Variants in FARS2 observed in about 807,000 individuals in gnomAD.
FARS2 encodes phenylalanyl-tRNA synthetase 2, mitochondrial.
FARS2 carries 40 observed loss-of-function variants against 46.4 expected under a neutral mutation model. That is an observed-to-expected ratio of 0.86 (90% CI 0.67 to 1.12). The LOEUF is 1.12. Among genes scored for constraint, FARS2 ranks in the 50% most tolerant of loss-of-function variants. FARS2 has a pLI of 0.00. For missense variants in FARS2, 513 were observed against 567.9 expected, an observed-to-expected ratio of 0.90 and a Z score of 0.98; for synonymous variants, 234 against 214.9, an observed-to-expected ratio of 1.09 and a Z score of -0.78.
Position 5,622,850 on chromosome 6 carries a change from G to A in FARS2, c.1217+9530G>A, listed in dbSNP as rs1048893850. Among the ~76,000 whole-genome samples, 8 of 152,246 alleles carry A rather than the reference G, an allele frequency of 5.3e-5. No individual in the cohort carries two copies. The South Asian group carries it at 1.5e-3, about 28-fold the overall frequency. ...CAGATTAAGACAATAGCTCATTTTC[G>A]TCTTCCTGCAATGTTTATATCAGTG... On this transcript the variant is annotated intron_variant, in intron 6 of 6. Coordinates refer to ENST00000274680, the MANE Select transcript of FARS2 (RefSeq NM_006567.5).
chr6:5,417,661 G>A (rs1436592857), intron 3 of FARS2, among the ~76,000 whole-genome samples: 1 of 152,006 alleles, frequency 6.6e-6, no homozygotes, highest in Non-Finnish European at 1.5e-5. Context: ...GAGTCGTTTT[G>A]CAATGTTTTC....
chr6:5,372,645 T>C (rs939863908), intron 2 of FARS2, among the ~76,000 whole-genome samples: 4 of 152,124 alleles, frequency 2.6e-5, no homozygotes, highest in Non-Finnish European at 5.9e-5. Flanking sequence ...AAGAGAAATA[T>C]TAGCAATAAA....
chr6:5,522,429 G>A (rs1769199466), intron 4 of FARS2, among the ~76,000 whole-genome samples: 1 of 152,198 alleles, frequency 6.6e-6, no homozygotes, highest in Admixed American at 6.5e-5. Context: ...ATTCTTACTG[G>A]CCCAGATGTG....
intron 4 of FARS2, among the ~76,000 whole-genome samples, chr6:5,477,950 G>A (rs145867964): frequency 0.012 from 1,759 of 152,250 alleles, 22 homozygotes; most frequent in African/African-American, 0.04. Context: ...AGCCCAGGAG[G>A]TCGAGGCTGC....
intron 1 of FARS2, among the ~76,000 whole-genome samples, chr6:5,326,743 C>T (rs1463017451): frequency 4.6e-5 from 7 of 152,220 alleles, no homozygotes; most frequent in Non-Finnish European, 1.0e-4. Context: ...AATGGCATCT[C>T]CATGTGCCAG....
At chr6:5,770,672 A>G (rs1043119258) in intron 6 of FARS2, among the ~76,000 whole-genome samples, 4 of 152,218 alleles carry the variant, frequency 2.6e-5, no homozygotes, top group Non-Finnish European at 5.9e-5. Context: ...ATCTCCACGT[A>G]TTCCAGAATT....
chr6:5,380,656 C>G (rs1308408105), intron 2 of FARS2, among the ~76,000 whole-genome samples: 1 of 152,136 alleles, frequency 6.6e-6, no homozygotes, highest in Non-Finnish European at 1.5e-5. Flanking sequence ...CCAGATACCC[C>G]AGTCTACTCA....
intron 6 of FARS2, among the ~76,000 whole-genome samples, chr6:5,705,517 G>A (rs759446339): frequency 7.9e-5 from 12 of 152,068 alleles, no homozygotes; most frequent in Non-Finnish European, 1.2e-4. Context: ...TCCTTACCTC[G>A]ATTCACCCTG....
chr6:5,715,128 G>A (rs1454189466), intron 6 of FARS2, among the ~76,000 whole-genome samples: 4 of 152,236 alleles, frequency 2.6e-5, no homozygotes, highest in South Asian at 4.1e-4. Context: ...ACTCGTGCAC[G>A]CCCATATTAC....
At chr6:5,336,150 A>G (rs1290956291) in intron 1 of FARS2, among the ~76,000 whole-genome samples, 1 of 151,990 alleles carries the variant, frequency 6.6e-6, no homozygotes, top group South Asian at 2.1e-4. Context: ...ATTTTTTCCT[A>G]TTGTGTTTTA....
chr6:5,260,810 G>A (rs1765044507), upstream of FARS2: 2 of 1,528,810 alleles, frequency 1.3e-6, no homozygotes, highest in South Asian at 1.2e-5. Flanking sequence ...ACTCCAGCCT[G>A]TGCGGAAACC....
intron 4 of FARS2, among the ~76,000 whole-genome samples, chr6:5,504,099 A>G (rs1429442790): frequency 1.3e-5 from 2 of 152,338 alleles, no homozygotes; most frequent in Non-Finnish European, 2.9e-5. Context: ...GGGAGTGACA[A>G]ATTATAGGAT....
At chr6:5,629,645 A>C (rs542388332) in intron 6 of FARS2, among the ~76,000 whole-genome samples, 1 of 152,142 alleles carries the variant, frequency 6.6e-6, no homozygotes, top group Non-Finnish European at 1.5e-5. Flanking sequence ...TAATCCTACT[A>C]TGTGCAGTTT....
chr6:5,733,155 A>G (rs964916129), intron 6 of FARS2, among the ~76,000 whole-genome samples: 2 of 152,242 alleles, frequency 1.3e-5, no homozygotes, highest in African/African-American at 4.8e-5. Context: ...CGGAGATTGA[A>G]ATTAGATTTT....
intron 6 of FARS2, among the ~76,000 whole-genome samples, chr6:5,711,248 TAAA>T (rs1325120052): frequency 6.6e-6 from 1 of 151,756 alleles, no homozygotes; most frequent in Non-Finnish European, 1.5e-5. Context: ...AAGTATAAAA[TAAA>T]AATCCATCCG....
intron 6 of FARS2, among the ~76,000 whole-genome samples, chr6:5,723,033 A>G (rs1424144207): frequency 6.6e-6 from 1 of 152,216 alleles, no homozygotes; most frequent in Non-Finnish European, 1.5e-5. Context: ...GAGGGCAGGC[A>G]GGAGGATGAG....
chr6:5,578,675 G>C (rs1396162912), intron 5 of FARS2, among the ~76,000 whole-genome samples: 3 of 151,802 alleles, frequency 2.0e-5, no homozygotes, highest in Admixed American at 6.6e-5. Flanking sequence ...CAGGCGTGGT[G>C]GTGGGCGCCT....
intron 4 of FARS2, among the ~76,000 whole-genome samples, chr6:5,493,471 G>A (rs909138564): frequency 2.0e-5 from 3 of 152,184 alleles, no homozygotes; most frequent in Admixed American, 6.5e-5. Context: ...TTGATGTGTG[G>A]CTAGATGAAG....
intron 5 of FARS2, among the ~76,000 whole-genome samples, chr6:5,610,628 C>G (rs1582578639): frequency 6.6e-6 from 1 of 152,124 alleles, no homozygotes; most frequent in African/African-American, 2.4e-5. Flanking sequence ...TGGAATCAAT[C>G]CCCCTCAGAT....
Sources: gnomAD v4.1 joint callset for allele counts (sites outside exome capture counted in the v4.1 genomes callset) on GRCh38, gnomAD v4.1.1 for gene constraint, MANE v1.5 for transcripts, NCBI Gene and HGNC (gene_info 2026-07-23, HGNC 2026-07-21) for gene names.